The following TRAPPC9 variants were observed in gnomAD, a reference collection of about 807,000 sequenced individuals.
TRAPPC9 encodes the protein trafficking protein particle complex subunit 9.
Under a neutral mutation model 124.0 loss-of-function variants are expected in TRAPPC9, and 83 were observed. The ratio of observed to expected loss-of-function variants is 0.67; its 90% CI spans 0.56 to 0.80. The LOEUF (loss-of-function observed/expected upper bound fraction) is 0.80, where lower values mean the gene tolerates loss of function less well. Ranked by LOEUF, TRAPPC9 falls within the 30% of genes least tolerant of loss-of-function variation. The pLI is 0.00. For missense variants in TRAPPC9, 1,302 were observed against 1,508.3 expected, an observed-to-expected ratio of 0.86 and a Z score of 2.27; for synonymous variants, 638 against 617.5, an observed-to-expected ratio of 1.03 and a Z score of -0.49.
chr8:139,949,115 C>A (rs372781558), intron 19 of TRAPPC9, among the ~76,000 whole-genome samples: 1 of 151,734 alleles, frequency 6.6e-6, no homozygotes, highest in African/African-American at 2.4e-5. Flanking sequence ...CTAATTAAAA[C>A]AGAAATTTCT....
At position 140,062,730 on chromosome 8, in the gene TRAPPC9, C is replaced by T. The variant is rs117912251; in HGVS notation, c.2557-38651G>A. On this transcript the variant is annotated intron_variant, in intron 17 of 22. Transcript: ENST00000438773. ...AGCACAAACCTAACCTTATTCACTG[C>T]GTCATTACCGGCACGCACAGTGGCA... 3.4e-4 allele frequency among the ~76,000 whole-genome samples: 51 copies of T among 152,192 alleles called. No individual in the cohort carries two copies. The East Asian group carries it at 8.1e-3, about 24-fold the overall frequency.
intron 21 of TRAPPC9, among the ~76,000 whole-genome samples, chr8:139,870,534 G>A (rs149551053): frequency 3.0e-4 from 46 of 152,218 alleles, no homozygotes; most frequent in Middle Eastern, 3.4e-3. Context: ...CCATCAAAAG[G>A]TACAGAGTAA....
At chr8:139,845,608 G>T (rs1253773737) in intron 21 of TRAPPC9, among the ~76,000 whole-genome samples, 2 of 152,222 alleles carry the variant, frequency 1.3e-5, no homozygotes, top group Admixed American at 1.3e-4. Context: ...ACCGGGGAGG[G>T]AGTGCCTTCC....
chr8:139,820,469 C>T (rs1326756494), intron 21 of TRAPPC9, among the ~76,000 whole-genome samples: 4 of 152,202 alleles, frequency 2.6e-5, no homozygotes, highest in Non-Finnish European at 5.9e-5. Flanking sequence ...CATGAGCCAC[C>T]ACACCTGGCC....
intron 17 of TRAPPC9, among the ~76,000 whole-genome samples, chr8:140,179,736 T>C (rs1215130915): frequency 2.0e-5 from 3 of 152,134 alleles, no homozygotes; most frequent in East Asian, 3.8e-4. Context: ...GCTTCATGCA[T>C]GTTGAAGCTC....
chr8:140,247,148 A>G (rs2064007866), intron 16 of TRAPPC9, among the ~76,000 whole-genome samples: 1 of 152,228 alleles, frequency 6.6e-6, no homozygotes, highest in Non-Finnish European at 1.5e-5. Flanking sequence ...AATGTTCACC[A>G]CAAGTCCTTA....
chr8:140,360,465 T>C (rs928883763), intron 8 of TRAPPC9, among the ~76,000 whole-genome samples: 1 of 152,170 alleles, frequency 6.6e-6, no homozygotes, highest in African/African-American at 2.4e-5. Context: ...TTCGAAATAA[T>C]AAGCTTAGAA....
Position 139,728,578 on chromosome 8 carries a change from C to A in TRAPPC9, c.*2483G>T, listed in dbSNP as rs1279700734. On this transcript the variant is annotated 3_prime_UTR_variant, in exon 23 of 23. Coordinates refer to ENST00000438773, the MANE Select transcript of TRAPPC9 (RefSeq NM_001160372.4). ...CCAGAAAGACCCAGCCACAGAAATG[C>A]CAGCAAACAACACCCCTGGCTCCCC... 6.6e-6 allele frequency among the ~76,000 whole-genome samples: 1 copy of A among 152,194 alleles called. No individual in the cohort carries two copies. The highest frequency in any genetic ancestry group is 6.5e-5 in the Admixed American group (1 of 15,274).
intron 8 of TRAPPC9, among the ~76,000 whole-genome samples, chr8:140,361,026 T>C (rs139826875): frequency 0.027 from 4,061 of 152,340 alleles, 98 homozygotes; most frequent in Middle Eastern, 0.085. Context: ...TATGAGCCAC[T>C]GCTCCCAGCC....
intron 17 of TRAPPC9, among the ~76,000 whole-genome samples, chr8:140,081,560 G>A (rs1239548000): frequency 1.3e-5 from 2 of 152,064 alleles, no homozygotes; most frequent in Non-Finnish European, 2.9e-5. Flanking sequence ...TGACCAGGGT[G>A]GTCTCAAACT....
chr8:139,905,373 G>A (rs1831289734), intron 20 of TRAPPC9, among the ~76,000 whole-genome samples: 1 of 152,180 alleles, frequency 6.6e-6, no homozygotes, highest in African/African-American at 2.4e-5. Context: ...TTTGATCCTG[G>A]GATAGAATAA....
intron 17 of TRAPPC9, among the ~76,000 whole-genome samples, chr8:140,171,763 G>T (rs900040855): frequency 7.2e-5 from 11 of 152,084 alleles, no homozygotes; most frequent in African/African-American, 2.7e-4. Context: ...TTCCTGAGAT[G>T]CCCCCATGCT....
chr8:140,349,156 G>C (rs563799287), intron 9 of TRAPPC9, among the ~76,000 whole-genome samples: 160 of 127,860 alleles, frequency 1.3e-3, no homozygotes, highest in Non-Finnish European at 2.1e-3. Context: ...AGCGGGGGCC[G>C]ATGGGGGCGC....
At chr8:140,297,195 C>T (rs967591498) in intron 11 of TRAPPC9, among the ~76,000 whole-genome samples, 6 of 152,246 alleles carry the variant, frequency 3.9e-5, no homozygotes, top group African/African-American at 1.2e-4. Flanking sequence ...CCAGCGCCTA[C>T]ACTTCCTGTC....
intron 17 of TRAPPC9, among the ~76,000 whole-genome samples, chr8:140,196,003 ACT>A (rs1350563289): frequency 6.6e-6 from 1 of 151,386 alleles, no homozygotes. Flanking sequence ...ACACTAAAAC[ACT>A]CAGCAATCCA....
chr8:139,917,167 C>CTTTTTGTTTTTTT (rs1832195117), intron 19 of TRAPPC9, among the ~76,000 whole-genome samples: 1 of 99,926 alleles, frequency 1.0e-5, no homozygotes, highest in African/African-American at 4.3e-5. Flanking sequence ...TTATTATTTT[C>CTTTTTGTTTTTTT]TTTTTTTTTT....
At position 139,742,589 on chromosome 8, in the gene TRAPPC9, C is replaced by G. The variant is rs1818638968; in HGVS notation, c.3056-10387G>C. Among the ~76,000 whole-genome samples the G allele has an allele frequency of 6.6e-6, 1 of 152,144 alleles. No homozygotes were observed. Among genetic ancestry groups the G allele is most frequent in the Admixed American group, 6.5e-5 (1 of 15,272 alleles). On this transcript the variant is annotated intron_variant, in intron 21 of 22. Transcript: ENST00000438773. This position sits in a 1 kb window ranked among gnomAD's most constrained non-coding sequence, Gnocchi z 4.7. The stretch of plus-strand genomic sequence containing the variant: ...GGTCAGGACCCAAACTTTGGGCAAG[C>G]TATGGACCCAGAACACGGCCACGGG...
intron 21 of TRAPPC9, among the ~76,000 whole-genome samples, chr8:139,862,077 T>C (rs1828203178): frequency 6.6e-6 from 1 of 152,234 alleles, no homozygotes; most frequent in African/African-American, 2.4e-5. Context: ...TGATTTCATC[T>C]CTCTGAAGCC....
At chr8:139,971,256 C>T (rs889933790) in intron 19 of TRAPPC9, among the ~76,000 whole-genome samples, 14 of 152,202 alleles carry the variant, frequency 9.2e-5, no homozygotes, top group Admixed American at 2.6e-4. Context: ...GGCTCATGGG[C>T]CCTGCTGCCC....
Sources: allele counts gnomAD v4.1 joint callset (sites outside exome capture counted in the v4.1 genomes callset), GRCh38; gene constraint gnomAD v4.1.1; non-coding constraint Gnocchi (gnomAD v3.1); transcripts MANE v1.5; gene names NCBI Gene and HGNC (gene_info 2026-07-23, HGNC 2026-07-21).